PPFIA2: variants seen among roughly 807,000 people sequenced by gnomAD.
PPFIA2 encodes the protein liprin-alpha-2.
PPFIA2 carries 46 observed loss-of-function variants against 175.5 expected under a neutral mutation model. The ratio of observed to expected loss-of-function variants is 0.26; its 90% CI spans 0.21 to 0.34. PPFIA2 has a LOEUF of 0.34. PPFIA2 is among the 10% of genes least tolerant of loss of function. The probability of loss-of-function intolerance (pLI) is 1.00; values close to 1 mark genes in which losing one functional copy is unlikely to be tolerated. For missense variants in PPFIA2, 1,179 were observed against 1,506.1 expected, an observed-to-expected ratio of 0.78 and a Z score of 3.60; for synonymous variants, 568 against 511.4, an observed-to-expected ratio of 1.11 and a Z score of -1.49.
chr12:81,596,923 A>G (rs1186798965), intron 4 of PPFIA2, among the ~76,000 whole-genome samples: 1 of 152,098 alleles, frequency 6.6e-6, no homozygotes, highest in African/African-American at 2.4e-5. Flanking sequence ...AGAGAGAAAG[A>G]GTAATTATAT....
intron 8 of PPFIA2, among the ~76,000 whole-genome samples, chr12:81,395,051 G>A (rs146987903): frequency 1.1e-3 from 170 of 152,050 alleles, no homozygotes; most frequent in East Asian, 5.2e-3. Flanking sequence ...GAAGAGAAAA[G>A]TAAATCCTCC....
chr12:81,657,969 T>C (rs185264723), intron 4 of PPFIA2, among the ~76,000 whole-genome samples: 111 of 152,238 alleles, frequency 7.3e-4, no homozygotes, highest in South Asian at 1.7e-3. Flanking sequence ...TAATCATGTG[T>C]TAAAAAGAAA....
At chr12:81,599,121 A>C (rs2153453704) in intron 4 of PPFIA2, among the ~76,000 whole-genome samples, 1 of 152,086 alleles carries the variant, frequency 6.6e-6, no homozygotes, top group East Asian at 1.9e-4. Context: ...TGACTTGACA[A>C]CTTTTAGAGG....
intron 22 of PPFIA2, chr12:81,302,177 T>C (rs1359535383): frequency 7.2e-6 from 3 of 417,482 alleles, no homozygotes; most frequent in Non-Finnish European, 1.4e-5. Flanking sequence ...TAGCTTTTTC[T>C]ATTTTACCTT....
chr12:81,661,180 C>G (rs1277424751), intron 4 of PPFIA2, among the ~76,000 whole-genome samples: 2 of 152,150 alleles, frequency 1.3e-5, no homozygotes, highest in Middle Eastern at 3.2e-3. Flanking sequence ...ATGACAGGAT[C>G]AAATTCACAC....
chr12:81,671,874 C>T (rs1251423942), intron 4 of PPFIA2, among the ~76,000 whole-genome samples: 4 of 135,458 alleles, frequency 3.0e-5, no homozygotes, highest in Non-Finnish European at 6.9e-5. Context: ...TTATTATTTT[C>T]TATTTGCCTT....
At chr12:81,309,801 T>C in intron 22 of PPFIA2, among the ~76,000 whole-genome samples, 1 of 152,066 alleles carries the variant, frequency 6.6e-6, no homozygotes, top group East Asian at 1.9e-4. Context: ...TGTAATCTCC[T>C]TCCTTACTGT....
chr12:81,605,231 A>G (rs1341032250), intron 4 of PPFIA2, among the ~76,000 whole-genome samples: 1 of 151,872 alleles, frequency 6.6e-6, no homozygotes, highest in Non-Finnish European at 1.5e-5. Context: ...TGCTAAAATG[A>G]TAAGAATTTG....
chr12:81,259,521 C>T lies in PPFIA2; in HGVS notation c.*173G>A, dbSNP rs1179903732. On this transcript the variant is annotated 3_prime_UTR_variant, in exon 33 of 33. Coordinates refer to ENST00000549396, the MANE Select transcript of PPFIA2 (RefSeq NM_003625.5). ...ACTAATCAAATGTAATATCTGACTC[C>T]CCCCAAAAATCACATTTTTCAGCTT... 7.3e-6 allele frequency: 7 copies of T among 963,844 alleles called. No homozygotes were observed. The highest frequency in any genetic ancestry group is 2.7e-5 in the East Asian group (1 of 37,678). The allele number at this position is 963,844 out of a possible 1,614,324, so 59.7% of individuals were successfully genotyped here.
chr12:81,494,095 G>T (rs1173040386), intron 4 of PPFIA2, among the ~76,000 whole-genome samples: 1 of 151,778 alleles, frequency 6.6e-6, no homozygotes, highest in African/African-American at 2.4e-5. Flanking sequence ...TGACAAATGG[G>T]ATCTAATTAA....
chr12:81,623,418 T>A (rs888981248), intron 4 of PPFIA2, among the ~76,000 whole-genome samples: 2 of 151,972 alleles, frequency 1.3e-5, no homozygotes, highest in African/African-American at 4.8e-5. Flanking sequence ...CTTAGGCAAT[T>A]TTCATGACCT....
At chr12:81,420,402 A>T (rs899779633) in intron 7 of PPFIA2, among the ~76,000 whole-genome samples, 2 of 152,176 alleles carry the variant, frequency 1.3e-5, no homozygotes, top group African/African-American at 4.8e-5. Context: ...AGCAAGCTAC[A>T]AGCAAACACA....
intron 20 of PPFIA2, among the ~76,000 whole-genome samples, chr12:81,340,119 C>T (rs1408373699): frequency 1.3e-5 from 2 of 152,054 alleles, no homozygotes; most frequent in Admixed American, 6.6e-5. Context: ...TTTGAACTCA[C>T]ATTCCCTAAC....
chr12:81,694,769 C>T (rs181722417), intron 3 of PPFIA2, among the ~76,000 whole-genome samples: 2 of 152,246 alleles, frequency 1.3e-5, no homozygotes, highest in Admixed American at 1.3e-4. Context: ...GCAACCTGTG[C>T]CTGGAGAAGC....
chr12:81,546,582 T>C (rs2067032518), intron 4 of PPFIA2: 1 of 152,154 alleles, frequency 6.6e-6, no homozygotes, highest in Non-Finnish European at 1.5e-5. Context: ...ATCGCCCAAT[T>C]TGTCAATATA....
intron 8 of PPFIA2, among the ~76,000 whole-genome samples, chr12:81,405,087 T>C (rs2042701432): frequency 6.6e-6 from 1 of 152,178 alleles, no homozygotes; most frequent in South Asian, 2.1e-4. Flanking sequence ...TCCTCTTCTG[T>C]TGGAAAGAGG....
In PPFIA2 at chr12:81,443,459, T is replaced by C. The variant is rs573203533; in HGVS notation, c.570+2097A>G. Among the ~76,000 whole-genome samples, 15 of 152,272 alleles carry C rather than the reference T, an allele frequency of 9.9e-5. No individual in the cohort carries two copies. The East Asian group carries it at 2.9e-3, about 29-fold the overall frequency. ...TCCTAGGGTCATACGATGGAACAAC[T>C]CATATAGTTATGCTAAACCCACTGA... On this transcript the variant is annotated intron_variant, in intron 6 of 32. Coordinates refer to ENST00000549396, the MANE Select transcript of PPFIA2 (RefSeq NM_003625.5).
At chr12:81,362,655 T>C in intron 15 of PPFIA2, 38 bp downstream of exon 15, 1 of 1,365,022 alleles carries the variant, frequency 7.3e-7, no homozygotes, top group Non-Finnish European at 1.0e-6. Flanking sequence ...CATGTTGATT[T>C]TCAGTGAATT....
At chr12:81,427,093 T>C (rs998699775) in intron 7 of PPFIA2, among the ~76,000 whole-genome samples, 6 of 152,086 alleles carry the variant, frequency 3.9e-5, no homozygotes, top group East Asian at 1.9e-4. Flanking sequence ...TTCAGTGTAA[T>C]GGAGTTATAA....
Sources: gnomAD v4.1 joint callset for allele counts (sites outside exome capture counted in the v4.1 genomes callset) on GRCh38, gnomAD v4.1.1 for gene constraint, MANE v1.5 for transcripts, NCBI Gene and HGNC (gene_info 2026-07-23, HGNC 2026-07-21) for gene names.